TENT4A: variants seen among roughly 807,000 people sequenced by gnomAD.
TENT4A encodes terminal nucleotidyltransferase 4A, also known as DNA polymerase kappa.
Under a neutral mutation model 72.8 loss-of-function variants are expected in TENT4A, and 7 were observed. That is an observed-to-expected ratio of 0.10 (90% CI 0.05 to 0.18). The LOEUF (loss-of-function observed/expected upper bound fraction) is 0.18, where lower values mean the gene tolerates loss of function less well. Ranked by LOEUF, TENT4A falls within the 10% of genes least tolerant of loss-of-function variation. The pLI is 1.00. For synonymous variants in TENT4A, 456 were observed against 434.3 expected (o/e 1.05, Z -0.62); for missense variants, 831 against 1,017.7 (o/e 0.82, Z 2.50).
chr5:6,732,194 C>T (rs1741249648), intron 1 of TENT4A, among the ~76,000 whole-genome samples: 1 of 152,200 alleles, frequency 6.6e-6, no homozygotes, highest in Non-Finnish European at 1.5e-5. Flanking sequence ...CTGGGTGAGG[C>T]AGTGCACGGG....
chr5:6,750,552 T>C (rs764065220), intron 10 of TENT4A, 49 bp downstream of exon 10: 3 of 1,468,624 alleles, frequency 2.0e-6, no homozygotes, highest in Non-Finnish European at 1.8e-6. Context: ...TTTGTGTCTC[T>C]GGTAAATGTC....
chr5:6,743,732 C>T lies in TENT4A; in HGVS notation c.1137C>T (p.Tyr379=). The T allele has an allele frequency of 6.2e-7, 1 of 1,610,444 alleles. No individual in the cohort carries two copies. The highest frequency in any genetic ancestry group is 8.5e-7 in the Non-Finnish European group (1 of 1,177,304). Residue 379 remains tyrosine (Y), a synonymous_variant, in exon 6 of 13, where the codon TAC becomes TAT. Coordinates refer to ENST00000230859, the MANE Select transcript of TENT4A (RefSeq NM_006999.6). The part of the protein sequence containing the change: ...NYMKKYSLLP[Y]LILVLKQFLL... ...TACAGAAATATTCATTGCTGCCTTA[C>T]TTGATTTTAGTATTGAAACAGTTCC...
rs1251648269 is a variant in TENT4A at position 6,713,644 on chromosome 5, G to A, written c.-340G>A. On this transcript the variant is annotated 5_prime_UTR_variant, in exon 1 of 13. Coordinates refer to ENST00000230859, the MANE Select transcript of TENT4A (RefSeq NM_006999.6). ...ATGGCCTCTCCCCGCGGCCCGAGTG[G>A]AACGCCGCCGCCGCCGCGGCCCCCG... 1 of 145,964 alleles carries A rather than the reference G, an allele frequency of 6.9e-6. No homozygotes were observed. The highest frequency in any genetic ancestry group is 6.8e-5 in the Admixed American group (1 of 14,664). The allele number at this position is 145,964 out of a possible 1,614,324, so 9.0% of individuals were successfully genotyped here. A position where few individuals can be genotyped will look rare whatever the true frequency, so the allele number is the denominator to read the frequency against.
In TENT4A at chr5:6,713,919, G is replaced by A; in HGVS notation, c.-65G>A. ...CGTGCGCGCGCGGCCGGGCCTCGGG[G>A]CGCGGCGGGGGCGGGGCCGCGTCGG... On this transcript the variant is annotated 5_prime_UTR_variant, in exon 1 of 13. Coordinates refer to ENST00000230859, the MANE Select transcript of TENT4A (RefSeq NM_006999.6). 5.9e-6 allele frequency: 4 copies of A among 681,770 alleles called. No homozygotes were observed. The highest frequency in any genetic ancestry group is 7.2e-6 in the Non-Finnish European group (4 of 555,874). The allele number at this position is 681,770 out of a possible 1,614,324, so 42.2% of individuals were successfully genotyped here.
Position 6,751,046 on chromosome 5 carries a change from A to G in TENT4A, c.1868A>G (p.Asp623Gly). ...SSLSGSDVDS[D>G]TPPCTTPSVY... The stretch of plus-strand genomic sequence containing the variant: ...TTTTGTACCGGGTTCAAGGATTCAG[A>G]CACACCGCCCTGCACAACGCCCAGT... The change falls in exon 11 of 13, where the codon GAC becomes GGC. Residue 623 changes from aspartate (D) to glycine (G), a missense_variant. Around this residue, in one of 3 missense-constraint regions of TENT4A, gnomAD observed 332 missense variants for 324.3 expected, o/e 1.02. Transcript: ENST00000230859. 6.2e-7 allele frequency: 1 copy of G among 1,614,082 alleles called. No homozygotes were observed. Among genetic ancestry groups the G allele is most frequent in the African/African-American group, 1.3e-5 (1 of 74,996 alleles).
intron 1 of TENT4A, among the ~76,000 whole-genome samples, chr5:6,718,555 C>T (rs274722): frequency 0.38 from 57,901 of 152,090 alleles, 11,189 homozygotes; most frequent in South Asian, 0.49. Context: ...TTTCACTCTC[C>T]GAGTCCCAGA....
rs373322461 is a variant in TENT4A, at chr5:6,750,798, TA to T, written c.1861-231del. The T allele has an allele frequency of 4.4e-3, 2,218 of 505,286 alleles. 10 individuals are homozygous for T. The highest frequency in any genetic ancestry group is 0.019 in the African/African-American group (974 of 51,440). The allele number at this position is 505,286 out of a possible 1,614,324, so 31.3% of individuals were successfully genotyped here. A position where few individuals can be genotyped will look rare whatever the true frequency, so the allele number is the denominator to read the frequency against. ...AGTTTTTAAAAATTTATTTGAAGATTAAAAAAAAAATTAAATCCAAGTATCT... is the reference window on the plus strand; with the variant it reads ...AGTTTTTAAAAATTTATTTGAAGATTAAAAAAAAATTAAATCCAAGTATCT... On this transcript the variant is annotated intron_variant, in intron 10 of 12. Coordinates refer to ENST00000230859, the MANE Select transcript of TENT4A (RefSeq NM_006999.6).
At chr5:6,744,800 T>C (rs1362726575) in intron 6 of TENT4A, among the ~76,000 whole-genome samples, 2 of 152,260 alleles carry the variant, frequency 1.3e-5, no homozygotes, top group African/African-American at 2.4e-5. Flanking sequence ...CCATAGTTTT[T>C]GGACATTATT....
rs1408563580 is a variant in TENT4A at position 6,714,242 on chromosome 5, G to C, written c.259G>C (p.Ala87Pro). 8.9e-6 allele frequency: 9 copies of C among 1,010,514 alleles called. No individual in the cohort carries two copies. Among genetic ancestry groups the C allele is most frequent in the Admixed American group, 6.1e-5 (1 of 16,388 alleles). The allele number at this position is 1,010,514 out of a possible 1,614,324, so 62.6% of individuals were successfully genotyped here. The change falls in exon 1 of 13, where the codon GCG (alanine) becomes CCG (proline). Residue 87 changes from alanine to proline, a missense_variant. By Grantham distance (27) the Ala-to-Pro change is conservative. Coordinates refer to ENST00000230859, the MANE Select transcript of TENT4A (RefSeq NM_006999.6). ...GPTAPAALPP[A>P]LLTALGPAAE... ...CACCGCGCCCGCCGCGCTGCCCCCC[G>C]CGCTGCTGACGGCGCTGGGGCCCGC...
chr5:6,731,291 C>A (rs533894266), intron 1 of TENT4A, among the ~76,000 whole-genome samples: 1 of 152,132 alleles, frequency 6.6e-6, no homozygotes, highest in African/African-American at 2.4e-5. Flanking sequence ...TATTTTCTGT[C>A]GCATTTTACG....
intron 7 of TENT4A, among the ~76,000 whole-genome samples, chr5:6,746,921 T>C (rs1376253302): frequency 6.6e-6 from 1 of 152,184 alleles, no homozygotes; most frequent in Non-Finnish European, 1.5e-5. Flanking sequence ...AGGTTGTGTT[T>C]TGTCGTGAGG....
At position 6,722,183 on chromosome 5, in the gene TENT4A, C is replaced by T. The variant is rs933368619; in HGVS notation, c.716+7484C>T. Among the ~76,000 whole-genome samples the T allele has an allele frequency of 2.0e-5, 3 of 152,210 alleles. No homozygotes were observed. In the East Asian group the frequency reaches 5.8e-4, roughly 29 times the overall value. On this transcript the variant is annotated intron_variant, in intron 1 of 12. Transcript: ENST00000230859. ...TTCTAACTTGAGCCTCAGTTTCCCC[C>T]CCTGTGAAGCAGAGCCTGTGGCACC... is the stretch of plus-strand genomic sequence containing the variant.
intron 2 of TENT4A, 126 bp from the exon 3 acceptor site, chr5:6,738,557 C>A: frequency 1.4e-6 from 1 of 739,962 alleles, no homozygotes; most frequent in Non-Finnish European, 2.4e-6. Context: ...TCCCCTCCAT[C>A]AGTTTCCAAG....
intron 1 of TENT4A, among the ~76,000 whole-genome samples, chr5:6,734,183 C>G (rs1041749048): frequency 6.6e-6 from 1 of 152,192 alleles, no homozygotes; most frequent in African/African-American, 2.4e-5. Context: ...GCAGGGAGGC[C>G]GAAGGGCCAG....
At chr5:6,725,381 C>T (rs1389564749) in intron 1 of TENT4A, among the ~76,000 whole-genome samples, 3 of 152,200 alleles carry the variant, frequency 2.0e-5, no homozygotes, top group Non-Finnish European at 4.4e-5. Flanking sequence ...TGTCTGTCTT[C>T]TCAGGAGAGA....
At chr5:6,725,932 A>C (rs765328683) in intron 1 of TENT4A, among the ~76,000 whole-genome samples, 1 of 152,226 alleles carries the variant, frequency 6.6e-6, no homozygotes, top group Non-Finnish European at 1.5e-5. Flanking sequence ...GCTGAGACTA[A>C]GAGCATAAAA....
chr5:6,750,298 G>A (rs1238374312), intron 9 of TENT4A, 33 bp from the exon 10 acceptor site: 1 of 1,582,078 alleles, frequency 6.3e-7, no homozygotes, highest in South Asian at 1.2e-5. Context: ...GCAGTTCTCA[G>A]GAGTTATTAA....
rs1742482195 is a variant in TENT4A at position 6,752,818 on chromosome 5, A to G, written c.2020-55A>G. 2.6e-6 allele frequency: 4 copies of G among 1,535,306 alleles called. No individual in the cohort carries two copies. The East Asian group carries it at 6.8e-5, about 26-fold the overall frequency. On this transcript the variant is annotated intron_variant, in intron 11 of 12. Transcript: ENST00000230859. ...TGGTGGTGCTGAGCTTAGAAGCCGG[A>G]TGGTTTTCCTCTGATTGCTTTGGTA... is the stretch of plus-strand genomic sequence containing the variant.
chr5:6,745,296 T>C (rs139933708), intron 6 of TENT4A, among the ~76,000 whole-genome samples: 1 of 152,356 alleles, frequency 6.6e-6, no homozygotes, highest in Non-Finnish European at 1.5e-5. Context: ...GTATGCTTTC[T>C]AGCTGCAGCT....
Sources: gnomAD v4.1 joint callset for allele counts (sites outside exome capture counted in the v4.1 genomes callset) on GRCh38, gnomAD v4.1.1 for gene constraint, gnomAD v4.1.1 regional missense constraint, MANE v1.5 for transcripts, NCBI Gene and HGNC (gene_info 2026-07-23, HGNC 2026-07-21) for gene names.